The following STK39 variants were observed in gnomAD, a reference collection of about 807,000 sequenced individuals.
STK39 encodes serine/threonine kinase 39.
A neutral mutation model predicts 77.8 loss-of-function variants in STK39; 20 were observed. The ratio of observed to expected loss-of-function variants is 0.26; its 90% CI spans 0.18 to 0.37. The LOEUF (loss-of-function observed/expected upper bound fraction) is 0.37, where lower values mean the gene tolerates loss of function less well. Ranked by LOEUF, STK39 falls within the 10% of genes least tolerant of loss-of-function variation. The probability of loss-of-function intolerance (pLI) is 1.00; values close to 1 mark genes in which losing one functional copy is unlikely to be tolerated. For synonymous variants in STK39, 246 were observed against 234.1 expected (o/e 1.05, Z -0.47); for missense variants, 479 against 656.5 (o/e 0.73, Z 2.95).
intron 14 of STK39, among the ~76,000 whole-genome samples, chr2:168,061,951 G>A (rs1685676234): frequency 6.6e-6 from 1 of 152,140 alleles, no homozygotes; most frequent in Non-Finnish European, 1.5e-5. Flanking sequence ...GCCCATAGGA[G>A]CCCAGAACAG....
chr2:168,225,403 A>G (rs1200200515), intron 1 of STK39, among the ~76,000 whole-genome samples: 1 of 152,182 alleles, frequency 6.6e-6, no homozygotes, highest in African/African-American at 2.4e-5. Context: ...AGTTCCTCAA[A>G]GAGTATCAGG....
chr2:168,029,290 A>G (rs539428161), intron 14 of STK39, among the ~76,000 whole-genome samples: 21 of 152,322 alleles, frequency 1.4e-4, no homozygotes, highest in South Asian at 1.0e-3. Flanking sequence ...GTTGCATAGT[A>G]TAGTTCTAAC....
chr2:168,052,889 C>T (rs1574423677), intron 14 of STK39, among the ~76,000 whole-genome samples: 1 of 152,188 alleles, frequency 6.6e-6, no homozygotes, highest in East Asian at 1.9e-4. Context: ...CTCGTTAAAA[C>T]CCTGCTGCAA....
At chr2:167,966,778 G>A (rs1345703190) in intron 16 of STK39, among the ~76,000 whole-genome samples, 1 of 152,150 alleles carries the variant, frequency 6.6e-6, no homozygotes, top group Non-Finnish European at 1.5e-5. Flanking sequence ...TCTGTCTTCA[G>A]CTCAAAGTAA....
At chr2:168,112,630 A>G (rs1456438584) in intron 10 of STK39, among the ~76,000 whole-genome samples, 2 of 152,164 alleles carry the variant, frequency 1.3e-5, no homozygotes, top group East Asian at 1.9e-4. Context: ...GTAGTTCTTT[A>G]TAGCAGTATG....
chr2:167,978,297 G>A lies in STK39; in HGVS notation c.1499-13571C>T, dbSNP rs541598812. Among the ~76,000 whole-genome samples the A allele has an allele frequency of 1.1e-4, 17 of 152,092 alleles. No homozygotes were observed. The South Asian group carries it at 1.5e-3, about 13-fold the overall frequency. On this transcript the variant is annotated intron_variant, in intron 16 of 17. Transcript: ENST00000355999. ...CAAGAGGTGGTTTTTTGGGAGGTGC[G>A]GGGGAGAGGGCTTTAACTCTGAAAC...
At chr2:168,218,758 ACT>A (rs1690088377) in intron 1 of STK39, among the ~76,000 whole-genome samples, 1 of 152,210 alleles carries the variant, frequency 6.6e-6, no homozygotes. Flanking sequence ...AAAGCTCTAG[ACT>A]CTGAAAAAGA....
chr2:168,227,083 G>A (rs1273287513), intron 1 of STK39, among the ~76,000 whole-genome samples: 2 of 152,152 alleles, frequency 1.3e-5, no homozygotes, highest in Non-Finnish European at 2.9e-5. Flanking sequence ...AAATACCCAA[G>A]TAATATATAT....
Position 168,175,854 on chromosome 2 carries a change from T to C in STK39, c.321+6124A>G, listed in dbSNP as rs560083680. On this transcript the variant is annotated intron_variant, in intron 2 of 17. Transcript: ENST00000355999. Reference sequence around the variant, plus strand: ...CCGAGACTTGAAATGCTCGAAATAGTACTACAAAATATATTAAAATAATTA... The same window carrying C: ...CCGAGACTTGAAATGCTCGAAATAGCACTACAAAATATATTAAAATAATTA... Among the ~76,000 whole-genome samples the C allele has an allele frequency of 4.6e-5, 7 of 152,260 alleles. No individual in the cohort carries two copies. The South Asian group carries it at 1.2e-3, about 27-fold the overall frequency.
intron 14 of STK39, 23 bp downstream of exon 14, chr2:168,063,477 G>A: frequency 2.5e-6 from 4 of 1,594,568 alleles, no homozygotes; most frequent in Admixed American, 1.7e-5. Flanking sequence ...AAACAATGCA[G>A]AATAAACAAC....
At chr2:168,002,153 C>T (rs1015345807) in intron 16 of STK39, among the ~76,000 whole-genome samples, 2 of 152,194 alleles carry the variant, frequency 1.3e-5, no homozygotes, top group Non-Finnish European at 2.9e-5. Flanking sequence ...AAGTACAGGT[C>T]TTAATTGGAT....
At chr2:168,223,877 G>C (rs1690241240) in intron 1 of STK39, among the ~76,000 whole-genome samples, 1 of 151,910 alleles carries the variant, frequency 6.6e-6, no homozygotes, top group African/African-American at 2.4e-5. Flanking sequence ...AGTCCTCCTG[G>C]TATGGAGGAA....
chr2:167,965,135 CAAAAAAAAACAA>C (rs1038885026), intron 16 of STK39, among the ~76,000 whole-genome samples: 1 of 84,598 alleles, frequency 1.2e-5, no homozygotes, highest in African/African-American at 6.3e-5. Context: ...AAAAAAAAAA[CAAAAAAAAACAA>C]AGGCTTTCTC....
chr2:168,210,933 A>G (rs1689875280), intron 1 of STK39, among the ~76,000 whole-genome samples: 1 of 152,240 alleles, frequency 6.6e-6, no homozygotes, highest in South Asian at 2.1e-4. Flanking sequence ...ATACAACTTA[A>G]TTATAATTTC....
intron 16 of STK39, among the ~76,000 whole-genome samples, chr2:167,967,964 T>A (rs1159645660): frequency 6.9e-6 from 1 of 144,404 alleles, no homozygotes; most frequent in Non-Finnish European, 1.5e-5. Flanking sequence ...CCCCCTCAAG[T>A]AGGCCCTGGT....
intron 16 of STK39, among the ~76,000 whole-genome samples, chr2:168,002,857 C>T (rs1684036335): frequency 6.6e-6 from 1 of 152,194 alleles, no homozygotes; most frequent in African/African-American, 2.4e-5. Flanking sequence ...TGCACGTGTG[C>T]TCTCACTGCA....
At position 168,161,379 on chromosome 2, in the gene STK39, T is replaced by C. The variant is rs559944490; in HGVS notation, c.628+408A>G. Among the ~76,000 whole-genome samples the C allele has an allele frequency of 2.8e-4, 43 of 152,364 alleles. 1 individual carries two copies. The South Asian group carries it at 8.7e-3, about 31-fold the overall frequency. ...CAAAATAAGGCCCAGATTTTTAATG[T>C]TCACAATTCTTTCAGATACCTCTTA... On this transcript the variant is annotated intron_variant, in intron 5 of 17. Coordinates refer to ENST00000355999, the MANE Select transcript of STK39 (RefSeq NM_013233.3).
chr2:168,245,123 C>T (rs1052824071), intron 1 of STK39, among the ~76,000 whole-genome samples: 8 of 152,348 alleles, frequency 5.3e-5, no homozygotes, highest in Non-Finnish European at 1.0e-4. Flanking sequence ...CATTATTCAA[C>T]TTTTATGGCC....
intron 17 of STK39, among the ~76,000 whole-genome samples, chr2:167,959,264 G>A (rs1482140431): frequency 2.0e-5 from 3 of 151,274 alleles, no homozygotes; most frequent in Non-Finnish European, 4.4e-5. Context: ...GACTACAGGT[G>A]CCCGCCACCA....
Sources: allele counts gnomAD v4.1 joint callset (sites outside exome capture counted in the v4.1 genomes callset), GRCh38; gene constraint gnomAD v4.1.1; transcripts MANE v1.5; gene names NCBI Gene and HGNC (gene_info 2026-07-23, HGNC 2026-07-21).